The following CEP120 variants were observed in gnomAD, a reference collection of about 807,000 sequenced individuals.
CEP120 encodes the protein centrosomal protein 120.
In CEP120, 113 loss-of-function variants were observed where a neutral mutation model predicts 126.5. That is an observed-to-expected ratio of 0.89 (90% CI 0.77 to 1.04). The LOEUF is 1.04. Ranked by LOEUF, CEP120 falls within the 50% of genes least tolerant of loss-of-function variation. CEP120 has a pLI of 0.00. For synonymous variants in CEP120, 400 were observed against 394.3 expected (o/e 1.01, Z -0.17); for missense variants, 1,230 against 1,155.7 (o/e 1.06, Z -0.93).
chr5:123,346,513 A>ATGTT lies in CEP120; in HGVS notation c.*2_*5dup, dbSNP rs1768825328. The stretch of plus-strand genomic sequence containing the variant: ...TAGAGTCTCTATAAAGCTTTTCCAA[A>ATGTT]TGTTATTAATTACTGGCATTGCTTT... On this transcript the variant is annotated 3_prime_UTR_variant, in exon 20 of 20. Transcript: ENST00000306467. 1 of 1,596,116 alleles carries ATGTT rather than the reference A, an allele frequency of 6.3e-7. No homozygotes were observed. The highest frequency in any genetic ancestry group is 8.6e-7 in the Non-Finnish European group (1 of 1,167,866).
At chr5:123,370,187 T>C (rs954000472) in intron 17 of CEP120, among the ~76,000 whole-genome samples, 1 of 152,048 alleles carries the variant, frequency 6.6e-6, no homozygotes, top group African/African-American at 2.4e-5. Context: ...GGTTGCATTA[T>C]GGTAGCTCTG....
intron 10 of CEP120, among the ~76,000 whole-genome samples, chr5:123,385,608 C>T (rs779296188): frequency 3.4e-5 from 5 of 145,004 alleles, no homozygotes; most frequent in African/African-American, 5.1e-5. Context: ...CTTTAATTCA[C>T]GACTATACCT....
rs147083595 is a variant in CEP120, at chr5:123,379,420, A to C, written c.2104-992T>G. Reference sequence around the variant, plus strand: ...AATGAAAACCTAATTATTTTATATAAAAATCTTCATTTAAAAAATTTCTGA... The same window carrying C: ...AATGAAAACCTAATTATTTTATATACAAATCTTCATTTAAAAAATTTCTGA... On this transcript the variant is annotated intron_variant, in intron 14 of 19. Coordinates refer to ENST00000306467, the MANE Select transcript of CEP120 (RefSeq NM_001375405.1). 4.8e-3 allele frequency among the ~76,000 whole-genome samples: 737 copies of C among 152,196 alleles called. 9 individuals carry two copies. The highest frequency in any genetic ancestry group is 0.017 in the African/African-American group (707 of 41,538).
At chr5:123,394,613 T>TA (rs1772645088) in intron 5 of CEP120, among the ~76,000 whole-genome samples, 2 of 152,162 alleles carry the variant, frequency 1.3e-5, no homozygotes, top group South Asian at 2.1e-4. Context: ...ACTGTTGGCT[T>TA]AAAAAAATTA....
At chr5:123,401,493 T>G in intron 4 of CEP120, 1 of 1,267,604 alleles carries the variant, frequency 7.9e-7, no homozygotes, top group Non-Finnish European at 1.2e-6. Context: ...TCATCCTTGA[T>G]CTGGTACATG....
chr5:123,393,216 G>T, intron 6 of CEP120, 84 bp downstream of exon 6: 2 of 1,174,720 alleles, frequency 1.7e-6, no homozygotes, highest in Non-Finnish European at 2.5e-6. Context: ...TTAAGTTTAG[G>T]TACTAAACTC....
chr5:123,346,422 A>G lies in CEP120; in HGVS notation c.*97T>C. On this transcript the variant is annotated 3_prime_UTR_variant, in exon 20 of 20. Coordinates refer to ENST00000306467, the MANE Select transcript of CEP120 (RefSeq NM_001375405.1). Reference sequence around the variant, plus strand: ...AAATTTTGCTTATAAAAAATTGAAAATACCATTTTAAAACATCCATTTTCC... The same window carrying G: ...AAATTTTGCTTATAAAAAATTGAAAGTACCATTTTAAAACATCCATTTTCC... 1 of 915,030 alleles carries G rather than the reference A, an allele frequency of 1.1e-6. No individual in the cohort carries two copies. Among genetic ancestry groups the G allele is most frequent in the Non-Finnish European group, 1.6e-6 (1 of 618,738 alleles). 56.7% of individuals were successfully genotyped at this position (915,030 alleles called of 1,614,324 possible). A position where few individuals can be genotyped will look rare whatever the true frequency, so the allele number is the denominator to read the frequency against.
At chr5:123,393,274 T>TA in intron 6 of CEP120, 26 bp downstream of exon 6, 1 of 1,611,102 alleles carries the variant, frequency 6.2e-7, no homozygotes, top group Non-Finnish European at 8.5e-7. Context: ...CACCTCCAGC[T>TA]AAAAACGATT....
chr5:123,415,525 G>A (rs922755662), intron 3 of CEP120, among the ~76,000 whole-genome samples: 1 of 152,186 alleles, frequency 6.6e-6, no homozygotes, highest in African/African-American at 2.4e-5. Flanking sequence ...CTTGGTCAAG[G>A]AAATCACTAA....
At chr5:123,354,962 A>T (rs1769478505) in intron 18 of CEP120, among the ~76,000 whole-genome samples, 1 of 150,730 alleles carries the variant, frequency 6.6e-6, no homozygotes, top group Non-Finnish European at 1.5e-5. Flanking sequence ...CAGTCCCCAA[A>T]GTGTGATGTC....
upstream of CEP120, chr5:123,423,524 G>A (rs1421839620): frequency 6.4e-6 from 1 of 157,110 alleles, no homozygotes; most frequent in East Asian, 1.9e-4. Flanking sequence ...AGCGCCCTCT[G>A]CTAGCCGGAC....
intron 4 of CEP120, among the ~76,000 whole-genome samples, chr5:123,411,178 A>G (rs1774032254): frequency 6.6e-6 from 1 of 152,170 alleles, no homozygotes; most frequent in Non-Finnish European, 1.5e-5. Flanking sequence ...CACTAACACC[A>G]CCAAATTCTG....
Position 123,347,262 on chromosome 5 carries a change from CATT to C in CEP120, c.2727-512_2727-510del, listed in dbSNP as rs576155213. Among the ~76,000 whole-genome samples the C allele has an allele frequency of 6.6e-5, 10 of 152,212 alleles. No individual in the cohort carries two copies. In the South Asian group the frequency reaches 2.1e-3, roughly 32 times the overall value. On this transcript the variant is annotated intron_variant, in intron 19 of 19. Transcript: ENST00000306467. ...AATATTCCATCATTTGGGGTATCAT[CATT>C]TAGTCATCCTTTATTATTGGTCTTT...
At chr5:123,398,994 G>T in intron 5 of CEP120, 142 bp downstream of exon 5, 2 of 547,206 alleles carry the variant, frequency 3.7e-6, no homozygotes, top group South Asian at 3.9e-5. Flanking sequence ...TTTCCAGTAT[G>T]AAAGAAAACA....
chr5:123,412,691 C>T (rs1253896230), intron 3 of CEP120, 151 bp from the exon 4 acceptor site: 1 of 489,210 alleles, frequency 2.0e-6, no homozygotes, highest in Non-Finnish European at 3.3e-6. Flanking sequence ...CAAATCAATC[C>T]TGCTTAGGAA....
At chr5:123,414,116 T>C (rs1774237466) in intron 3 of CEP120, among the ~76,000 whole-genome samples, 4 of 152,204 alleles carry the variant, frequency 2.6e-5, no homozygotes, top group Admixed American at 2.6e-4. Context: ...GGACAAAGAA[T>C]GCCAAGAGTA....
At position 123,415,114 on chromosome 5, in the gene CEP120, T is replaced by A. The variant is rs1313928574; in HGVS notation, c.321+896A>T. Among the ~76,000 whole-genome samples, 4 of 148,844 alleles carry A rather than the reference T, an allele frequency of 2.7e-5. No individual in the cohort carries two copies. The East Asian group carries it at 8.5e-4, about 32-fold the overall frequency. On this transcript the variant is annotated intron_variant, in intron 3 of 19. Coordinates refer to ENST00000306467, the MANE Select transcript of CEP120 (RefSeq NM_001375405.1). The stretch of plus-strand genomic sequence containing the variant: ...GCAGAGAGGTACTGGTTAGATAACA[T>A]CAACTGTGTTTCAATAAGTTCACTT...
Position 123,386,982 on chromosome 5 carries a change from T to C in CEP120, c.1431-315A>G, listed in dbSNP as rs1342555850. Among the ~76,000 whole-genome samples the C allele has an allele frequency of 2.0e-5, 3 of 152,134 alleles. No homozygotes were observed. In the East Asian group the frequency reaches 5.8e-4, roughly 29 times the overall value. ...AATAGTATCCTGATTTTTTATGGGA[T>C]AAAAAGCCCTTAGTCAACTCCAAAA... On this transcript the variant is annotated intron_variant, in intron 9 of 19. Transcript: ENST00000306467.
intron 17 of CEP120, among the ~76,000 whole-genome samples, chr5:123,367,114 C>T (rs2127007960): frequency 6.6e-6 from 1 of 151,876 alleles, no homozygotes; most frequent in Non-Finnish European, 1.5e-5. Flanking sequence ...TGAGTAATCT[C>T]CCAATTACTT....
Sources: allele counts gnomAD v4.1 joint callset (sites outside exome capture counted in the v4.1 genomes callset), GRCh38; gene constraint gnomAD v4.1.1; transcripts MANE v1.5; gene names NCBI Gene and HGNC (gene_info 2026-07-23, HGNC 2026-07-21).